Variants in DCC observed in about 807,000 individuals in gnomAD.
The protein encoded by DCC is DCC netrin 1 receptor.
In DCC, 58 loss-of-function variants were observed where a neutral mutation model predicts 172.5. The ratio of observed to expected loss-of-function variants is 0.34; its 90% CI spans 0.27 to 0.42. The LOEUF (loss-of-function observed/expected upper bound fraction) is 0.42, where lower values mean the gene tolerates loss of function less well. Ranked by LOEUF, DCC falls within the 10% of genes least tolerant of loss-of-function variation. The probability of loss-of-function intolerance (pLI) is 1.00; values close to 1 mark genes in which losing one functional copy is unlikely to be tolerated. For synonymous variants in DCC, 709 were observed against 644.5 expected (o/e 1.10, Z -1.52); for missense variants, 1,740 against 1,791.0 (o/e 0.97, Z 0.51).
At chr18:53,089,198 G>C (rs1166991343) in intron 7 of DCC, among the ~76,000 whole-genome samples, 2 of 152,190 alleles carry the variant, frequency 1.3e-5, no homozygotes, top group Non-Finnish European at 2.9e-5. Flanking sequence ...TGATTCTCCT[G>C]CCTCAGCCTA....
At chr18:52,780,887 T>A (rs989602057) in intron 2 of DCC, among the ~76,000 whole-genome samples, 1 of 152,028 alleles carries the variant, frequency 6.6e-6, no homozygotes, top group Admixed American at 6.6e-5. Context: ...AGGAGAGAAG[T>A]CTTAGGTGGT....
intron 3 of DCC, among the ~76,000 whole-genome samples, chr18:52,915,907 A>G (rs529843253): frequency 3.3e-4 from 50 of 152,260 alleles, no homozygotes; most frequent in African/African-American, 1.2e-3. Flanking sequence ...ATTTGTTCTC[A>G]AAGTATGGTA....
chr18:52,667,885 G>A (rs1459054204), intron 1 of DCC, among the ~76,000 whole-genome samples: 1 of 152,124 alleles, frequency 6.6e-6, no homozygotes, highest in Non-Finnish European at 1.5e-5. Flanking sequence ...AGAGAACAAT[G>A]GAAAACCACT....
intron 1 of DCC, among the ~76,000 whole-genome samples, chr18:52,379,078 C>G (rs1251363085): frequency 6.6e-6 from 1 of 152,082 alleles, no homozygotes; most frequent in South Asian, 2.1e-4. Context: ...TTAAAGCCAT[C>G]AAATATTGCG....
intron 1 of DCC, among the ~76,000 whole-genome samples, chr18:52,397,450 C>T (rs1986273984): frequency 6.6e-6 from 1 of 152,006 alleles, no homozygotes; most frequent in African/African-American, 2.4e-5. Context: ...GATAATTCCA[C>T]CCTCATTGTG....
intron 1 of DCC, among the ~76,000 whole-genome samples, chr18:52,482,543 G>T (rs1219963941): frequency 6.6e-6 from 1 of 151,502 alleles, no homozygotes; most frequent in Non-Finnish European, 1.5e-5. Context: ...TTAGCAGATG[G>T]CCTTCTTGTA....
At position 53,532,911 on chromosome 18, in the gene DCC, A is replaced by G. The variant is rs760035561; in HGVS notation, c.*2258A>G. 1 of 151,922 alleles carries G rather than the reference A, an allele frequency of 6.6e-6. No individual in the cohort carries two copies. The highest frequency in any genetic ancestry group is 1.5e-5 in the Non-Finnish European group (1 of 67,994). The allele number at this position is 151,922 out of a possible 1,614,324, so 9.4% of individuals were successfully genotyped here. On this transcript the variant is annotated 3_prime_UTR_variant, in exon 29 of 29. Transcript: ENST00000442544. ...TAGGAAATAAAATTTTTAAAAATCCATTTAAATACATGTTATTTGTCTTCA... is the reference window on the plus strand; with the variant it reads ...TAGGAAATAAAATTTTTAAAAATCCGTTTAAATACATGTTATTTGTCTTCA...
At chr18:52,344,786 C>G (rs1460402068) in intron 1 of DCC, among the ~76,000 whole-genome samples, 1 of 106,484 alleles carries the variant, frequency 9.4e-6, no homozygotes, top group African/African-American at 3.3e-5. Context: ...TGTGAAACTT[C>G]TTCTTCATGA....
At chr18:52,488,047 C>T (rs2030318720) in intron 1 of DCC, among the ~76,000 whole-genome samples, 1 of 151,956 alleles carries the variant, frequency 6.6e-6, no homozygotes, top group African/African-American at 2.4e-5. Context: ...TCAAATGTTC[C>T]CTTAATTCTT....
At position 53,240,039 on chromosome 18, in the gene DCC, A is replaced by C. The variant is rs554904557; in HGVS notation, c.1911+24442A>C. On this transcript the variant is annotated intron_variant, in intron 12 of 28. Coordinates refer to ENST00000442544, the MANE Select transcript of DCC (RefSeq NM_005215.4). ...TAGTTCTAGAGTTAAAAAAAAAAAA[A>C]AAAAAAAAAAACAACAAAACACTTT... is the stretch of plus-strand genomic sequence containing the variant. Among the ~76,000 whole-genome samples the C allele has an allele frequency of 4.5e-3, 631 of 141,700 alleles. 3 individuals carry two copies. Among genetic ancestry groups the C allele is most frequent in the African/African-American group, 0.012 (458 of 39,744 alleles). The allele number at this position is 141,700 out of a possible 152,430, so 93.0% of individuals were successfully genotyped here. A position where few individuals can be genotyped will look rare whatever the true frequency, so the allele number is the denominator to read the frequency against.
chr18:52,874,680 G>A (rs1009474865), intron 2 of DCC, among the ~76,000 whole-genome samples: 1 of 152,040 alleles, frequency 6.6e-6, no homozygotes, highest in East Asian at 1.9e-4. Flanking sequence ...AAAATATTTG[G>A]TATTTTGTTT....
chr18:53,110,204 T>C (rs2144248512), intron 7 of DCC, among the ~76,000 whole-genome samples: 1 of 151,778 alleles, frequency 6.6e-6, no homozygotes, highest in East Asian at 2.0e-4. Context: ...GTGAGATGAC[T>C]TGTTGCTCCT....
chr18:53,413,169 A>T (rs552132342), intron 20 of DCC, among the ~76,000 whole-genome samples: 1 of 152,264 alleles, frequency 6.6e-6, no homozygotes, highest in Non-Finnish European at 1.5e-5. Context: ...ACCACAGAGG[A>T]TTCTGGTGGA....
intron 1 of DCC, among the ~76,000 whole-genome samples, chr18:52,676,764 G>T (rs1486167927): frequency 6.6e-6 from 1 of 152,122 alleles, no homozygotes; most frequent in Non-Finnish European, 1.5e-5. Context: ...TCTTGGGTTT[G>T]CTTTCTTTTA....
chr18:53,247,570 C>CTTTG (rs1347082233), intron 12 of DCC, among the ~76,000 whole-genome samples: 2 of 121,394 alleles, frequency 1.6e-5, no homozygotes, highest in Non-Finnish European at 3.5e-5. Flanking sequence ...GTTGCTAATA[C>CTTTG]TTTGTTTATT....
At chr18:53,184,081 C>T (rs1412214324) in intron 9 of DCC, among the ~76,000 whole-genome samples, 3 of 149,898 alleles carry the variant, frequency 2.0e-5, no homozygotes, top group Non-Finnish European at 4.4e-5. Flanking sequence ...CATTTACAAA[C>T]AAAGTGGGAT....
At chr18:52,971,525 A>G (rs984160958) in intron 5 of DCC, among the ~76,000 whole-genome samples, 9 of 151,754 alleles carry the variant, frequency 5.9e-5, no homozygotes, top group African/African-American at 2.2e-4. Flanking sequence ...ACACACACAC[A>G]CACGCACGCA....
At chr18:52,981,484 A>G (rs1049305697) in intron 5 of DCC, among the ~76,000 whole-genome samples, 16 of 152,068 alleles carry the variant, frequency 1.1e-4, no homozygotes, top group Non-Finnish European at 8.8e-5. Flanking sequence ...CTCTTTACCT[A>G]AGGGATTGGC....
intron 7 of DCC, among the ~76,000 whole-genome samples, chr18:53,122,619 C>G (rs571052855): frequency 6.6e-6 from 1 of 152,134 alleles, no homozygotes; most frequent in African/African-American, 2.4e-5. Context: ...TAGCTTTGCT[C>G]CACCATTAGG....
Sources: gnomAD v4.1 joint callset for allele counts (sites outside exome capture counted in the v4.1 genomes callset) on GRCh38, gnomAD v4.1.1 for gene constraint, MANE v1.5 for transcripts, NCBI Gene and HGNC (gene_info 2026-07-23, HGNC 2026-07-21) for gene names.